ZNF628: variants seen among roughly 807,000 people sequenced by gnomAD.
The protein encoded by ZNF628 is zinc finger protein Zec.
ZNF628 carries 3 observed loss-of-function variants against 2.5 expected under a neutral mutation model. The observed-to-expected ratio is 1.19, with a 90% confidence interval of 0.54 to 3.07. ZNF628 has a LOEUF of 3.07. ZNF628 is among the 30% of genes most tolerant of loss of function. The pLI is 0.03. For missense variants in ZNF628, 1,610 were observed against 1,517.1 expected, an observed-to-expected ratio of 1.06 and a Z score of -1.02; for synonymous variants, 861 against 717.1, an observed-to-expected ratio of 1.20 and a Z score of -3.21.
rs73057171 is a variant in ZNF628, at chr19:55,479,236, G to A, written c.-77-598G>A. On this transcript the variant is annotated intron_variant, in intron 1 of 2. Coordinates refer to ENST00000598519, the MANE Select transcript of ZNF628 (RefSeq NM_033113.3). The surrounding 1 kb of genome is among the most constrained non-coding windows in gnomAD (Gnocchi z 5.1). The stretch of plus-strand genomic sequence containing the variant: ...GGTATCCCGGAGGCCAGGGGGAGGC[G>A]GGCCACGGACCCAGTGACAAGTGGG... Among the ~76,000 whole-genome samples, 2,424 of 152,272 alleles carry A rather than the reference G, an allele frequency of 0.016. 24 individuals carry two copies. Among genetic ancestry groups the A allele is most frequent in the Middle Eastern group, 0.048 (14 of 294 alleles).
chr19:55,484,464 A>G lies in ZNF628; in HGVS notation c.*91A>G. Reference sequence around the variant, plus strand: ...CAGGGTGCCGCAGGCTGGGCTTGCTAATAAAGACCCGAGTCTCCCCGCCTG... The same window carrying G: ...CAGGGTGCCGCAGGCTGGGCTTGCTGATAAAGACCCGAGTCTCCCCGCCTG... On this transcript the variant is annotated 3_prime_UTR_variant, in exon 3 of 3. Transcript: ENST00000598519. 1 of 1,176,860 alleles carries G rather than the reference A, an allele frequency of 8.5e-7. No individual in the cohort carries two copies. Among genetic ancestry groups the G allele is most frequent in the Non-Finnish European group, 1.1e-6 (1 of 872,200 alleles). 72.9% of individuals were successfully genotyped at this position (1,176,860 alleles called of 1,614,324 possible).
chr19:55,479,249 A>G lies in ZNF628; in HGVS notation c.-77-585A>G, dbSNP rs1426616410. ...CCAGGGGGAGGCGGGCCACGGACCCAGTGACAAGTGGGCCATTGCGGGCCA... is the reference window on the plus strand; with the variant it reads ...CCAGGGGGAGGCGGGCCACGGACCCGGTGACAAGTGGGCCATTGCGGGCCA... On this transcript the variant is annotated intron_variant, in intron 1 of 2. Coordinates refer to ENST00000598519, the MANE Select transcript of ZNF628 (RefSeq NM_033113.3). The surrounding 1 kb of genome is among the most constrained non-coding windows in gnomAD (Gnocchi z 5.1). Among the ~76,000 whole-genome samples, 1 of 152,136 alleles carries G rather than the reference A, an allele frequency of 6.6e-6. No homozygotes were observed. The highest frequency in any genetic ancestry group is 1.9e-4 in the East Asian group (1 of 5,180).
Position 55,481,373 on chromosome 19 carries a change from C to T in ZNF628, c.180C>T (p.Gly60=), listed in dbSNP as rs140452420. ...TGCACCACCAGCGCACGCACACAGG[C>T]GAGCGGCCCTACAAGTGCCCAGACT... is the stretch of plus-strand genomic sequence containing the variant. ...RLLHHQRTHT[G]ERPYKCPDCP... is the part of the protein sequence containing the mutation. The change falls in exon 3 of 3, where the codon GGC becomes GGT. Residue 60 remains glycine, a synonymous_variant. Transcript: ENST00000598519. The T allele has an allele frequency of 1.3e-5, 21 of 1,612,870 alleles. No homozygotes were observed. The African/African-American group carries it at 1.9e-4, about 14-fold the overall frequency.
Position 55,481,934 on chromosome 19 carries a change from C to T in ZNF628, c.741C>T (p.Gly247=), listed in dbSNP as rs1986722513. Reference sequence around the variant, plus strand: ...CGCCCCCCCAGTCCCGGGAGCCCGGCAAGGTCTTCGTGTGCGACGCCTACC... The same window carrying T: ...CGCCCCCCCAGTCCCGGGAGCCCGGTAAGGTCTTCGTGTGCGACGCCTACC... The part of the protein sequence containing the change: ...AAPPPQSREP[G]KVFVCDAYLQ... Residue 247 remains glycine, a synonymous_variant, in exon 3 of 3, where the codon GGC becomes GGT. Transcript: ENST00000598519. 3 of 1,480,806 alleles carry T rather than the reference C, an allele frequency of 2.0e-6. No individual in the cohort carries two copies. Among genetic ancestry groups the T allele is most frequent in the South Asian group, 1.3e-5 (1 of 77,004 alleles). 91.7% of individuals were successfully genotyped at this position (1,480,806 alleles called of 1,614,324 possible). A position where few individuals can be genotyped will look rare whatever the true frequency, so the allele number is the denominator to read the frequency against.
chr19:55,482,957 C>T lies in ZNF628; in HGVS notation c.1764C>T (p.His588=), dbSNP rs1212305336. ...ACCTGCGGCAGCACCAGCGCGTGCA[C>T]ACGGGCGAGCGGCCCTTCCGCTGCC... The part of the protein sequence containing the change: ...TSNLRQHQRV[H]TGERPFRCPL... Residue 588 remains histidine, a synonymous_variant, in exon 3 of 3, where the codon CAC becomes CAT. Coordinates refer to ENST00000598519, the MANE Select transcript of ZNF628 (RefSeq NM_033113.3). 1.9e-6 allele frequency: 3 copies of T among 1,610,498 alleles called. No individual in the cohort carries two copies. The highest frequency in any genetic ancestry group is 2.5e-6 in the Non-Finnish European group (3 of 1,179,164).
rs1387609351 is a variant in ZNF628, at chr19:55,479,576, G to A, written c.-77-258G>A. ...GGATTGCGCAGGGTTTCTGGACCTC[G>A]CACTGCTGACATTGTGGATGGGATT... On this transcript the variant is annotated intron_variant, in intron 1 of 2. Coordinates refer to ENST00000598519, the MANE Select transcript of ZNF628 (RefSeq NM_033113.3). This position sits in a 1 kb window ranked among gnomAD's most constrained non-coding sequence, Gnocchi z 5.1. Among the ~76,000 whole-genome samples the A allele has an allele frequency of 6.6e-6, 1 of 152,162 alleles. No homozygotes were observed. Among genetic ancestry groups the A allele is most frequent in the African/African-American group, 2.4e-5 (1 of 41,422 alleles).
chr19:55,477,353 GTTTT>G (rs60568698), intron 1 of ZNF628, among the ~76,000 whole-genome samples: 25 of 146,934 alleles, frequency 1.7e-4, no homozygotes, highest in Non-Finnish European at 3.3e-4. Context: ...CAGTAGGTTT[GTTTT>G]TTTTTTTTTT....
chr19:55,482,218 T>TGCCGCAGCCCCCTCCTCCC lies in ZNF628; in HGVS notation c.1031_1049dup (p.Ala353SerfsTer76). ...AAGGCCGACCAGCCACCGTCCCCTC[T>TGCCGCAGCCCCCTCCTCCC]GCCGCAGCCCCCTCCTCCCGCCGCC... On this transcript the variant is annotated frameshift_variant, in exon 3 of 3. Transcript: ENST00000598519. LOFTEE classifies it low-confidence loss of function (END_TRUNC). The TGCCGCAGCCCCCTCCTCCC allele has an allele frequency of 6.8e-7, 1 of 1,466,900 alleles. No homozygotes were observed. The highest frequency in any genetic ancestry group is 9.0e-7 in the Non-Finnish European group (1 of 1,116,114). 90.9% of individuals were successfully genotyped at this position (1,466,900 alleles called of 1,614,324 possible).
In ZNF628 at chr19:55,482,788, A is replaced by T; in HGVS notation, c.1595A>T (p.His532Leu). 6 of 1,610,378 alleles carry T rather than the reference A, an allele frequency of 3.7e-6. No individual in the cohort carries two copies. Among genetic ancestry groups the T allele is most frequent in the Non-Finnish European group, 5.1e-6 (6 of 1,178,018 alleles). Residue 532 changes from histidine to leucine, a missense_variant, in exon 3 of 3, where the codon CAC (histidine) becomes CTC (leucine). Physicochemically the swap from His to Leu is moderately conservative, Grantham distance 99. Coordinates refer to ENST00000598519, the MANE Select transcript of ZNF628 (RefSeq NM_033113.3). ...SSHYQYHLRLHSGERPYACGE... is the reference protein window; with the variant it reads ...SSHYQYHLRLLSGERPYACGE... ...CACTACCAGTACCACCTGCGGCTGC[A>T]CTCTGGCGAGCGGCCCTACGCCTGC...
In ZNF628 at chr19:55,483,254, G is replaced by C. The variant is rs978583793; in HGVS notation, c.2061G>C (p.Thr687=). The change falls in exon 3 of 3, where the codon ACG becomes ACC. Residue 687 remains threonine (T), a synonymous_variant. Transcript: ENST00000598519. The part of the protein sequence containing the change: ...DVHVLPHLQA[T]LSLEVAGGTA... The stretch of plus-strand genomic sequence containing the variant: ...ACGTCCTGCCCCACCTCCAGGCCAC[G>C]CTCTCCCTCGAGGTGGCGGGGGGCA... 2.6e-6 allele frequency: 4 copies of C among 1,530,716 alleles called. No individual in the cohort carries two copies. The highest frequency in any genetic ancestry group is 2.4e-5 in the East Asian group (1 of 40,880). The allele number at this position is 1,530,716 out of a possible 1,614,324, so 94.8% of individuals were successfully genotyped here. A position where few individuals can be genotyped will look rare whatever the true frequency, so the allele number is the denominator to read the frequency against.
Position 55,481,848 on chromosome 19 carries a change from C to T in ZNF628, c.655C>T (p.Leu219=), listed in dbSNP as rs1267458194. 1 of 1,589,554 alleles carries T rather than the reference C, an allele frequency of 6.3e-7. No homozygotes were observed. Among genetic ancestry groups the T allele is most frequent in the Non-Finnish European group, 8.5e-7 (1 of 1,170,000 alleles). The change falls in exon 3 of 3, where the codon CTG becomes TTG. Residue 219 remains leucine, a synonymous_variant. Transcript: ENST00000598519. ...CAAGACCTTCACCCACTCCTCCAAC[C>T]TGCTGCTGCACCAGCGCACGCACGG... ...CPKTFTHSSN[L]LLHQRTHGAA...
rs780542081 is a variant in ZNF628, at chr19:55,482,051, G to A, written c.858G>A (p.Ala286=). The A allele has an allele frequency of 2.5e-4, 378 of 1,488,440 alleles. No homozygotes were observed. The highest frequency in any genetic ancestry group is 3.2e-4 in the Non-Finnish European group (357 of 1,121,532). The allele number at this position is 1,488,440 out of a possible 1,614,324, so 92.2% of individuals were successfully genotyped here. ...TGGTGCCTGAGCTCTTTTTGGCGGC[G>A]GCGGAGACCACGGTGGAGCTGGTGT... ...PPVVPELFLA[A]AETTVELVYR... is the part of the protein sequence containing the mutation. Residue 286 remains alanine (A), a synonymous_variant, in exon 3 of 3, where the codon GCG becomes GCA. Transcript: ENST00000598519.
In ZNF628 at chr19:55,482,351, C is replaced by T. The variant is rs1986745169; in HGVS notation, c.1158C>T (p.Phe386=). 1.2e-5 allele frequency: 18 copies of T among 1,445,210 alleles called. No individual in the cohort carries two copies. Among genetic ancestry groups the T allele is most frequent in the Admixed American group, 5.3e-5 (2 of 37,412 alleles). 89.5% of individuals were successfully genotyped at this position (1,445,210 alleles called of 1,614,324 possible). A position where few individuals can be genotyped will look rare whatever the true frequency, so the allele number is the denominator to read the frequency against. ...HSHGAAGGQA[F]RCGSCDGSFP... ...ACGGGGCTGCCGGCGGGCAAGCGTT[C>T]CGCTGCGGCAGCTGCGACGGCTCCT... The change falls in exon 3 of 3, where the codon TTC becomes TTT. Residue 386 remains phenylalanine, a synonymous_variant. Coordinates refer to ENST00000598519, the MANE Select transcript of ZNF628 (RefSeq NM_033113.3).
At chr19:55,478,921 T>G (rs1333736057) in intron 1 of ZNF628, among the ~76,000 whole-genome samples, 2 of 152,010 alleles carry the variant, frequency 1.3e-5, no homozygotes, top group Non-Finnish European at 1.5e-5. Flanking sequence ...CATAGTTAGA[T>G]TTTGGGCATG....
Position 55,482,874 on chromosome 19 carries a change from A to T in ZNF628, c.1681A>T (p.Thr561Ser). The stretch of plus-strand genomic sequence containing the variant: ...CCTGCGTCGCCACCGCCACGTGCAC[A>T]CTGGCGAGAGGCCCCACGCCTGCGG... ...SCLRRHRHVH[T>S]GERPHACGVC... The change falls in exon 3 of 3, where the codon ACT (threonine) becomes TCT (serine). Residue 561 changes from threonine (T) to serine (S), a missense_variant. Physicochemically the swap from Thr to Ser is moderately conservative, Grantham distance 58. Around this residue, in one of 5 missense-constraint regions of ZNF628, gnomAD observed 651 missense variants for 575.6 expected, o/e 1.13. Coordinates refer to ENST00000598519, the MANE Select transcript of ZNF628 (RefSeq NM_033113.3). 3 of 1,601,756 alleles carry T rather than the reference A, an allele frequency of 1.9e-6. No individual in the cohort carries two copies. Among genetic ancestry groups the T allele is most frequent in the South Asian group, 1.1e-5 (1 of 90,446 alleles).
rs777289113 is a variant in ZNF628 at position 55,483,157 on chromosome 19, C to T, written c.1964C>T (p.Ala655Val). The T allele has an allele frequency of 3.8e-6, 6 of 1,559,470 alleles. No homozygotes were observed. The South Asian group carries it at 4.7e-5, about 12-fold the overall frequency. ...APANTPPSTT[A>V]PAAGPQPPAP... ...GCCAACACGCCTCCCAGCACCACAG[C>T]CCCTGCCGCCGGCCCCCAGCCCCCT... The change falls in exon 3 of 3, where the codon GCC becomes GTC. Residue 655 changes from alanine (A) to valine (V), a missense_variant. Around this residue, in one of 5 missense-constraint regions of ZNF628, gnomAD observed 712 missense variants for 603.6 expected, o/e 1.18. Coordinates refer to ENST00000598519, the MANE Select transcript of ZNF628 (RefSeq NM_033113.3).
rs776287825 is a variant in ZNF628, at chr19:55,483,626, G to C, written c.2433G>C (p.Gly811=). 6.2e-7 allele frequency: 1 copy of C among 1,613,458 alleles called. No homozygotes were observed. The highest frequency in any genetic ancestry group is 1.3e-5 in the African/African-American group (1 of 74,900). ...VLQNVGGGEA[G]PQEMSGVQLQ... ...AGAATGTGGGGGGTGGGGAGGCAGG[G>C]CCACAGGAAATGAGTGGGGTGCAGC... Residue 811 remains glycine (G), a synonymous_variant, in exon 3 of 3, where the codon GGG becomes GGC. Transcript: ENST00000598519.
Position 55,481,452 on chromosome 19 carries a change from A to ACGGG in ZNF628, c.262_265dup (p.Glu89GlyfsTer25). On this transcript the variant is annotated frameshift_variant, in exon 3 of 3. Coordinates refer to ENST00000598519, the MANE Select transcript of ZNF628 (RefSeq NM_033113.3). LOFTEE classifies it low-confidence loss of function (END_TRUNC). ...CCTGCTCTACCACCAGCGAGGCCAC[A>ACGGG]CGGGCGAGCGGCCCTACCAGTGCCC... is the stretch of plus-strand genomic sequence containing the variant. 6.2e-7 allele frequency: 1 copy of ACGGG among 1,612,794 alleles called. No individual in the cohort carries two copies. Among genetic ancestry groups the ACGGG allele is most frequent in the Non-Finnish European group, 8.5e-7 (1 of 1,179,654 alleles).
rs1419651857 is a variant in ZNF628 at position 55,479,258 on chromosome 19, T to C, written c.-77-576T>C. 6.6e-6 allele frequency among the ~76,000 whole-genome samples: 1 copy of C among 151,872 alleles called. No homozygotes were observed. The highest frequency in any genetic ancestry group is 1.5e-5 in the Non-Finnish European group (1 of 67,964). The stretch of plus-strand genomic sequence containing the variant: ...GGCGGGCCACGGACCCAGTGACAAG[T>C]GGGCCATTGCGGGCCACGCGCCGCC... On this transcript the variant is annotated intron_variant, in intron 1 of 2. Transcript: ENST00000598519. The surrounding 1 kb of genome is among the most constrained non-coding windows in gnomAD (Gnocchi z 5.1).
Sources: allele counts gnomAD v4.1 joint callset (sites outside exome capture counted in the v4.1 genomes callset), GRCh38; gene constraint gnomAD v4.1.1; regional missense constraint gnomAD v4.1.1; non-coding constraint Gnocchi (gnomAD v3.1); transcripts MANE v1.5; gene names NCBI Gene and HGNC (gene_info 2026-07-23, HGNC 2026-07-21).